The following WDR86 variants were observed in gnomAD, a reference collection of about 807,000 sequenced individuals.
WDR86 encodes the protein WD repeat-containing protein 86.
A neutral mutation model predicts 36.5 loss-of-function variants in WDR86; 30 were observed. The ratio of observed to expected loss-of-function variants is 0.82; its 90% CI spans 0.61 to 1.11. The LOEUF (loss-of-function observed/expected upper bound fraction) is 1.11, where lower values mean the gene tolerates loss of function less well. Ranked by LOEUF, WDR86 falls within the 50% of genes most tolerant of loss-of-function variation. The probability of loss-of-function intolerance (pLI) is 0.00; values close to 1 mark genes in which losing one functional copy is unlikely to be tolerated. For missense variants in WDR86, 545 were observed against 561.2 expected, an observed-to-expected ratio of 0.97 and a Z score of 0.29; for synonymous variants, 255 against 252.9, an observed-to-expected ratio of 1.01 and a Z score of -0.08.
intron 2 of WDR86, among the ~76,000 whole-genome samples, chr7:151,396,654 G>A (rs937411549): frequency 2.0e-5 from 3 of 149,016 alleles, no homozygotes; most frequent in South Asian, 2.1e-4. Flanking sequence ...AGTGGGACAC[G>A]CTGGTCACCC....
chr7:151,381,827 G>T lies in WDR86; in HGVS notation c.966+51C>A. ...TGCCCGCGTGGATGGATCGGGGCGGGGCACCTTCCCTCCCACGGGCGGCGG... is the reference window on the plus strand; with the variant it reads ...TGCCCGCGTGGATGGATCGGGGCGGTGCACCTTCCCTCCCACGGGCGGCGG... On this transcript the variant is annotated intron_variant, in intron 5 of 5. Transcript: ENST00000334493. The surrounding 1 kb of genome is among the most constrained non-coding windows in gnomAD (Gnocchi z 4.8). 2 of 1,555,466 alleles carry T rather than the reference G, an allele frequency of 1.3e-6. No individual in the cohort carries two copies. The highest frequency in any genetic ancestry group is 1.9e-5 in the Admixed American group (1 of 51,726).
At position 151,405,712 on chromosome 7, in the gene WDR86, C is replaced by T. The variant is rs1487869234; in HGVS notation, c.163+3715G>A. On this transcript the variant is annotated intron_variant, in intron 1 of 5. Transcript: ENST00000334493. This position sits in a 1 kb window ranked among gnomAD's most constrained non-coding sequence, Gnocchi z 4.7. ...TGTGAGGCTGCTGTGGCTCTTGTCA[C>T]CAGCGTGCCGCAGGCCTCCTTCAGC... 6.6e-6 allele frequency among the ~76,000 whole-genome samples: 1 copy of T among 152,186 alleles called. No individual in the cohort carries two copies. The highest frequency in any genetic ancestry group is 2.4e-5 in the African/African-American group (1 of 41,456).
rs1798539828 is a variant in WDR86 at position 151,381,295 on chromosome 7, G to A, written c.*287C>T. 39 of 1,316,200 alleles carry A rather than the reference G, an allele frequency of 3.0e-5. No homozygotes were observed. Among genetic ancestry groups the A allele is most frequent in the Non-Finnish European group, 3.6e-5 (37 of 1,037,094 alleles). The allele number at this position is 1,316,200 out of a possible 1,614,324, so 81.5% of individuals were successfully genotyped here. A position where few individuals can be genotyped will look rare whatever the true frequency, so the allele number is the denominator to read the frequency against. On this transcript the variant is annotated 3_prime_UTR_variant, in exon 6 of 6. Transcript: ENST00000334493. The surrounding 1 kb of genome is among the most constrained non-coding windows in gnomAD (Gnocchi z 4.8). ...GCAGTCCGCCTGCAGCCCCTGAGGT[G>A]GGAGGGTCCCCAGGACTAGGCCTTT...
At chr7:151,394,883 T>C (rs1799699221) in intron 3 of WDR86, among the ~76,000 whole-genome samples, 1 of 152,158 alleles carries the variant, frequency 6.6e-6, no homozygotes, top group South Asian at 2.1e-4. Flanking sequence ...GCACACACAG[T>C]CACATGTCTC....
intron 3 of WDR86, among the ~76,000 whole-genome samples, chr7:151,392,308 C>A (rs965154243): frequency 6.6e-6 from 1 of 151,940 alleles, no homozygotes; most frequent in African/African-American, 2.4e-5. Flanking sequence ...GCCCCCTGCA[C>A]CCCCAGCCTC....
rs1401176678 is a variant in WDR86, at chr7:151,405,068, G to T, written c.163+4359C>A. On this transcript the variant is annotated intron_variant, in intron 1 of 5. Coordinates refer to ENST00000334493, the MANE Select transcript of WDR86 (RefSeq NM_198285.3). The surrounding 1 kb of genome is among the most constrained non-coding windows in gnomAD (Gnocchi z 4.7). ...ACAAGGGTTATTTTCACCTGTGGGGGAGGCCCCACTGAGCCTGCTGTCCAG... is the reference window on the plus strand; with the variant it reads ...ACAAGGGTTATTTTCACCTGTGGGGTAGGCCCCACTGAGCCTGCTGTCCAG... 6.6e-6 allele frequency among the ~76,000 whole-genome samples: 1 copy of T among 152,150 alleles called. No homozygotes were observed. Among genetic ancestry groups the T allele is most frequent in the Non-Finnish European group, 1.5e-5 (1 of 68,012 alleles).
chr7:151,381,711 G>T lies in WDR86; in HGVS notation c.1002C>A (p.Asp334Glu). ...HGQVLYTASH[D>E]GALRLWDVRG... ...GCACGTCCCAGAGGCGCAGGGCGCC[G>T]TCGTGCGAGGCGGTGTAGAGCACCT... Residue 334 changes from aspartate (D) to glutamate (E), a missense_variant, in exon 6 of 6, where the codon GAC (aspartate) becomes GAA (glutamate). By Grantham distance (45) the Asp-to-Glu change is conservative. Transcript: ENST00000334493. The surrounding 1 kb of genome is among the most constrained non-coding windows in gnomAD (Gnocchi z 4.8). 6.7e-7 allele frequency: 1 copy of T among 1,494,866 alleles called. No individual in the cohort carries two copies. The highest frequency in any genetic ancestry group is 8.9e-7 in the Non-Finnish European group (1 of 1,128,200). 92.6% of individuals were successfully genotyped at this position (1,494,866 alleles called of 1,614,324 possible). A position where few individuals can be genotyped will look rare whatever the true frequency, so the allele number is the denominator to read the frequency against.
chr7:151,380,137 G>A (rs1022625007), downstream of WDR86, among the ~76,000 whole-genome samples: 2 of 152,186 alleles, frequency 1.3e-5, no homozygotes, highest in African/African-American at 4.8e-5. Flanking sequence ...CTCCTGCACC[G>A]ATCTGCTTGC....
At chr7:151,377,365 T>C, downstream of WDR86, 1 of 588,748 alleles carries the variant, frequency 1.7e-6, no homozygotes, top group Non-Finnish European at 2.8e-6. Context: ...AGGGGACAAG[T>C]CCAGGAGGGG....
At chr7:151,384,758 C>T (rs999652922) in intron 4 of WDR86, among the ~76,000 whole-genome samples, 1 of 152,214 alleles carries the variant, frequency 6.6e-6, no homozygotes. Context: ...ATGTGGCCCT[C>T]GAGGCTGGCA....
Position 151,390,261 on chromosome 7 carries a change from A to G in WDR86, c.727-5038T>C, listed in dbSNP as rs1463377512. 6.6e-6 allele frequency among the ~76,000 whole-genome samples: 1 copy of G among 152,082 alleles called. No individual in the cohort carries two copies. The highest frequency in any genetic ancestry group is 1.5e-5 in the Non-Finnish European group (1 of 67,992). On this transcript the variant is annotated intron_variant, in intron 3 of 5. Coordinates refer to ENST00000334493, the MANE Select transcript of WDR86 (RefSeq NM_198285.3). The surrounding 1 kb of genome is among the most constrained non-coding windows in gnomAD (Gnocchi z 4.5). ...CTCAACGACAGAGCTCTCCCCGTGA[A>G]AACAGACCAAGCCCAGAGCTCACTG...
chr7:151,375,018 G>T (rs1798146740), downstream of WDR86, among the ~76,000 whole-genome samples: 1 of 151,306 alleles, frequency 6.6e-6, no homozygotes, highest in African/African-American at 2.4e-5. Context: ...CGTGCTGGGG[G>T]CGGGGCTGGG....
At chr7:151,394,501 G>A (rs1448492821) in intron 3 of WDR86, among the ~76,000 whole-genome samples, 1 of 152,202 alleles carries the variant, frequency 6.6e-6, no homozygotes, top group Non-Finnish European at 1.5e-5. Flanking sequence ...CACCCCAACC[G>A]CTTGCCGCAG....
chr7:151,397,311 T>C (rs2150819543), intron 2 of WDR86, among the ~76,000 whole-genome samples: 1 of 152,318 alleles, frequency 6.6e-6, no homozygotes, highest in South Asian at 2.1e-4. Context: ...CCAACAGCAT[T>C]CCTCACTTCC....
At chr7:151,402,070 A>AAAAAAAAAAATATATATATATATATAT in intron 1 of WDR86, among the ~76,000 whole-genome samples, 2 of 50,522 alleles carry the variant, frequency 4.0e-5, no homozygotes, top group African/African-American at 1.2e-4. Context: ...AAAAAAAAAA[A>AAAAAAAAAAATATATATATATATATAT]ATATATATAT....
chr7:151,409,156 C>A lies in WDR86; in HGVS notation c.163+271G>T. On this transcript the variant is annotated intron_variant, in intron 1 of 5. Coordinates refer to ENST00000334493, the MANE Select transcript of WDR86 (RefSeq NM_198285.3). The surrounding 1 kb of genome is among the most constrained non-coding windows in gnomAD (Gnocchi z 5.2). ...TTCCTGCCGCTGGTTGACAAATGAT[C>A]TTCGCCTTTGTAGCGGACGCCCCTC... 1 of 665,202 alleles carries A rather than the reference C, an allele frequency of 1.5e-6. No individual in the cohort carries two copies. Among genetic ancestry groups the A allele is most frequent in the South Asian group, 1.7e-5 (1 of 59,814 alleles). The allele number at this position is 665,202 out of a possible 1,614,324, so 41.2% of individuals were successfully genotyped here.
downstream of WDR86, chr7:151,376,743 C>T (rs755558168): frequency 1.9e-6 from 3 of 1,600,220 alleles, no homozygotes; most frequent in Non-Finnish European, 2.6e-6. Context: ...GGAAGCCTGC[C>T]TCCCGAGCTG....
rs1156611139 is a variant in WDR86 at position 151,381,497 on chromosome 7, C to T, written c.*85G>A. On this transcript the variant is annotated 3_prime_UTR_variant, in exon 6 of 6. Transcript: ENST00000334493. The surrounding 1 kb of genome is among the most constrained non-coding windows in gnomAD (Gnocchi z 4.8). The stretch of plus-strand genomic sequence containing the variant: ...TCGCTCCTCGCCCCTCGCCGGCCAT[C>T]GGGCGCCACCACCGCGGGTAGCAGG... The T allele has an allele frequency of 1.2e-5, 17 of 1,457,290 alleles. No individual in the cohort carries two copies. Among genetic ancestry groups the T allele is most frequent in the Middle Eastern group, 2.3e-4 (1 of 4,348 alleles). 90.3% of individuals were successfully genotyped at this position (1,457,290 alleles called of 1,614,324 possible).
In WDR86 at chr7:151,401,746, G is replaced by C. The variant is rs554541992; in HGVS notation, c.164-1505C>G. 6.6e-6 allele frequency among the ~76,000 whole-genome samples: 1 copy of C among 151,782 alleles called. No individual in the cohort carries two copies. Among genetic ancestry groups the C allele is most frequent in the African/African-American group, 2.4e-5 (1 of 41,320 alleles). On this transcript the variant is annotated intron_variant, in intron 1 of 5. Transcript: ENST00000334493. The surrounding 1 kb of genome is among the most constrained non-coding windows in gnomAD (Gnocchi z 4.3). Reference sequence around the variant, plus strand: ...GGAGATTATCCTAGATTATCCGGGGGGTCCTAAATACAACCGCAAGTGGCC... The same window carrying C: ...GGAGATTATCCTAGATTATCCGGGGCGTCCTAAATACAACCGCAAGTGGCC...
Sources: allele counts gnomAD v4.1 joint callset (sites outside exome capture counted in the v4.1 genomes callset), GRCh38; gene constraint gnomAD v4.1.1; non-coding constraint Gnocchi (gnomAD v3.1); transcripts MANE v1.5; gene names NCBI Gene and HGNC (gene_info 2026-07-23, HGNC 2026-07-21).